ATM: variants seen among roughly 807,000 people sequenced by gnomAD.
The protein encoded by ATM is serine-protein kinase ATM.
Under a neutral mutation model 387.0 loss-of-function variants are expected in ATM, and 308 were observed. The ratio of observed to expected loss-of-function variants is 0.80; its 90% CI spans 0.73 to 0.87. The LOEUF (loss-of-function observed/expected upper bound fraction) is 0.87. ATM is among the 40% of genes least tolerant of loss of function. The pLI, the probability that ATM is intolerant of heterozygous loss-of-function variation, is 0.00. For synonymous variants in ATM, 1,156 were observed against 1,187.3 expected, an observed-to-expected ratio of 0.97 and a Z score of 0.54; for missense variants, 3,312 against 3,560.9, an observed-to-expected ratio of 0.93 and a Z score of 1.78.
At chr11:108,260,231 C>T (rs1171913451) in intron 16 of ATM, among the ~76,000 whole-genome samples, 1 of 152,056 alleles carries the variant, frequency 6.6e-6, no homozygotes, top group African/African-American at 2.4e-5. Context: ...GACCAGGTTT[C>T]ACCATGTTGG....
intron 34 of ATM, among the ~76,000 whole-genome samples, chr11:108,301,405 A>G (rs763101769): frequency 1.3e-5 from 2 of 152,228 alleles, no homozygotes; most frequent in Non-Finnish European, 2.9e-5. Flanking sequence ...TTTAATTTAT[A>G]GTAGTCACAA....
chr11:108,273,429 C>T (rs1417402803), intron 22 of ATM, among the ~76,000 whole-genome samples: 11 of 143,208 alleles, frequency 7.7e-5, no homozygotes, highest in African/African-American at 2.9e-4. Flanking sequence ...TCAGCCTCTA[C>T]CTCCTCGGTT....
intron 10 of ATM, 107 bp from the exon 11 acceptor site, chr11:108,251,730 C>A: frequency 9.2e-7 from 1 of 1,087,474 alleles, no homozygotes; most frequent in Non-Finnish European, 1.4e-6. Context: ...TTTTTATGTT[C>A]ATTTAGTCAC....
At chr11:108,327,284 C>T in intron 47 of ATM, 1 of 282,038 alleles carries the variant, frequency 3.5e-6, no homozygotes, top group South Asian at 3.8e-5. Flanking sequence ...ACCCAACTTC[C>T]TTGTACCTCA....
Position 108,248,804 on chromosome 11 carries a change from CT to C in ATM, c.1066-127del, listed in dbSNP as rs1371215059. ...TCGGGAGGCTGAGGCAGGAGAATCA[CT>C]TGAACCTGGGAGGTAGAGGTTGTGG... is the stretch of plus-strand genomic sequence containing the variant. On this transcript the variant is annotated intron_variant, in intron 8 of 62. Transcript: ENST00000675843. 6.6e-6 allele frequency: 5 copies of C among 756,506 alleles called. No homozygotes were observed. The African/African-American group carries it at 8.9e-5, about 13-fold the overall frequency. 46.9% of individuals were successfully genotyped at this position (756,506 alleles called of 1,614,324 possible). A position where few individuals can be genotyped will look rare whatever the true frequency, so the allele number is the denominator to read the frequency against.
rs748597015 is a variant in ATM at position 108,330,174 on chromosome 11, T to C, written c.7308-40T>C. Reference sequence around the variant, plus strand: ...GTGTGATTTTGTAGTTCTGTTAAAGTTCATGGCTTTTGTGTTTTACCTTAA... The same window carrying C: ...GTGTGATTTTGTAGTTCTGTTAAAGCTCATGGCTTTTGTGTTTTACCTTAA... On this transcript the variant is annotated intron_variant, in intron 49 of 62. Transcript: ENST00000675843. 5.7e-6 allele frequency: 9 copies of C among 1,589,170 alleles called. No homozygotes were observed. The South Asian group carries it at 1.0e-4, about 18-fold the overall frequency.
chr11:108,260,887 C>A (rs1438098525), intron 16 of ATM, among the ~76,000 whole-genome samples: 2 of 152,168 alleles, frequency 1.3e-5, no homozygotes, highest in African/African-American at 4.8e-5. Context: ...ACGGACGGCA[C>A]CTGGAAAATC....
In ATM at chr11:108,316,086, ATCAAC is replaced by A. The variant is rs1348587218; in HGVS notation, c.6172_6176del (p.Ser2058ThrfsTer28). On this transcript the variant is annotated frameshift_variant, in exon 42 of 63. Coordinates refer to ENST00000675843, the MANE Select transcript of ATM (RefSeq NM_000051.4). LOFTEE classifies it high-confidence loss of function. ...ATGACCTCGAAACAGCAATCCCCTCATCAACACGCCAGGCAGGAATCATTCAGGTA... is the reference window on the plus strand; with the variant it reads ...ATGACCTCGAAACAGCAATCCCCTCAACGCCAGGCAGGAATCATTCAGGTA... The A allele has an allele frequency of 6.2e-7, 1 of 1,614,034 alleles. No homozygotes were observed. Among genetic ancestry groups the A allele is most frequent in the Non-Finnish European group, 8.5e-7 (1 of 1,180,006 alleles).
intron 10 of ATM, 56 bp downstream of exon 10, chr11:108,251,128 A>C: frequency 6.2e-7 from 1 of 1,606,422 alleles, no homozygotes; most frequent in Non-Finnish European, 8.5e-7. Context: ...AGACACACAC[A>C]CACTCACATA....
intron 56 of ATM, among the ~76,000 whole-genome samples, chr11:108,341,118 C>G (rs1591233881): frequency 1.3e-5 from 2 of 152,114 alleles, no homozygotes; most frequent in African/African-American, 2.4e-5. Context: ...CCACTCTCCT[C>G]ACACTCCTCT....
rs587779838 is a variant in ATM at position 108,289,068 on chromosome 11, T to A, written c.4201T>A (p.Leu1401Ile). 18 of 1,611,858 alleles carry A rather than the reference T, an allele frequency of 1.1e-5. No individual in the cohort carries two copies. The highest frequency in any genetic ancestry group is 1.7e-4 in the Middle Eastern group (1 of 6,042). The change falls in exon 28 of 63, where the codon TTA becomes ATA. Residue 1401 changes from leucine (L) to isoleucine (I), a missense_variant. This residue lies in a region of ATM where 1,791 missense variants were observed against 1,804.5 expected (regional missense o/e 0.99). Transcript: ENST00000675843. ...TATCAGCAATTGTCATAAAACCAAGTTAAAAAGCATTTTAGAAATTCTTTC... is the reference window on the plus strand; with the variant it reads ...TATCAGCAATTGTCATAAAACCAAGATAAAAAGCATTTTAGAAATTCTTTC... ...AYISNCHKTKLKSILEILSKS... is the reference protein window; with the variant it reads ...AYISNCHKTKIKSILEILSKS...
chr11:108,338,893 G>A (rs543174283), intron 56 of ATM, among the ~76,000 whole-genome samples: 1 of 152,282 alleles, frequency 6.6e-6, no homozygotes, highest in African/African-American at 2.4e-5. Context: ...CTACAGCGAA[G>A]TAGTCTACCC....
At chr11:108,267,700 C>T (rs1187850927) in intron 17 of ATM, among the ~76,000 whole-genome samples, 4 of 151,912 alleles carry the variant, frequency 2.6e-5, no homozygotes, top group African/African-American at 4.8e-5. Flanking sequence ...CTACTAAAAA[C>T]ACAAAAATTA....
In ATM at chr11:108,289,668, A is replaced by C. The variant is rs876660964; in HGVS notation, c.4303A>C (p.Lys1435Gln). The part of the protein sequence containing the change: ...QAAETNNVYK[K>Q]HRILKIYHLF... ...AGCTGAAACAAATAATGTTTATAAG[A>C]AGCACAGAATTCTTAAAATATATCA... Residue 1435 changes from lysine to glutamine, a missense_variant, in exon 29 of 63, where the codon AAG becomes CAG. Transcript: ENST00000675843. The C allele has an allele frequency of 1.9e-6, 3 of 1,612,992 alleles. No homozygotes were observed. The highest frequency in any genetic ancestry group is 2.2e-5 in the East Asian group (1 of 44,854).
Position 108,331,557 on chromosome 11 carries a change from TG to T in ATM, c.7629+1del. On this transcript the variant is annotated splice_donor_variant, in intron 51 of 62. Coordinates refer to ENST00000675843, the MANE Select transcript of ATM (RefSeq NM_000051.4). LOFTEE classifies it high-confidence loss of function. ...TAGGATTTCATGAAGTCCTCAATAA[TG>T]TAAGTAAACCTGAAAATCAAACCAC... 6.2e-7 allele frequency: 1 copy of T among 1,608,946 alleles called. No individual in the cohort carries two copies. The highest frequency in any genetic ancestry group is 8.5e-7 in the Non-Finnish European group (1 of 1,177,998).
At position 108,253,690 on chromosome 11, in the gene ATM, T is replaced by C. The variant is rs1047886681; in HGVS notation, c.1899-124T>C. 9 of 629,014 alleles carry C rather than the reference T, an allele frequency of 1.4e-5. No individual in the cohort carries two copies. In the African/African-American group the frequency reaches 1.5e-4, roughly 10 times the overall value. The allele number at this position is 629,014 out of a possible 1,614,324, so 39.0% of individuals were successfully genotyped here. A position where few individuals can be genotyped will look rare whatever the true frequency, so the allele number is the denominator to read the frequency against. On this transcript the variant is annotated intron_variant, in intron 12 of 62. Transcript: ENST00000675843. ...ATTTAAAAGAATAATCTATTAATTA[T>C]ATAAGTAGTCTTTGAATGATGTAGA...
intron 39 of ATM, among the ~76,000 whole-genome samples, chr11:108,311,955 T>C (rs1388033142): frequency 6.6e-6 from 1 of 152,220 alleles, no homozygotes; most frequent in Non-Finnish European, 1.5e-5. Context: ...AGTCTTGGTT[T>C]AAGTGGATCC....
intron 17 of ATM, among the ~76,000 whole-genome samples, chr11:108,267,824 T>C (rs566773866): frequency 1.2e-4 from 18 of 152,252 alleles, no homozygotes; most frequent in African/African-American, 3.4e-4. Flanking sequence ...TGCCACTGCA[T>C]TCCAGCCTGG....
chr11:108,253,868 A>G lies in ATM; in HGVS notation c.1953A>G (p.Leu651=), dbSNP rs730881283. ...TTTCATTCTCAGAAGTAGAAGAACT[A>G]TTTCTTCAGACAACTTTTGACAAGA... The part of the protein sequence containing the change: ...EELSFSEVEE[L]FLQTTFDKMD... Residue 651 remains leucine, a synonymous_variant, in exon 13 of 63, where the codon CTA becomes CTG. Transcript: ENST00000675843. 103 of 1,613,912 alleles carry G rather than the reference A, an allele frequency of 6.4e-5. No homozygotes were observed. The highest frequency in any genetic ancestry group is 3.5e-4 in the Admixed American group (21 of 59,996).
Sources: allele counts gnomAD v4.1 joint callset (sites outside exome capture counted in the v4.1 genomes callset), GRCh38; gene constraint gnomAD v4.1.1; regional missense constraint gnomAD v4.1.1; transcripts MANE v1.5; gene names NCBI Gene and HGNC (gene_info 2026-07-23, HGNC 2026-07-21).